The following VPS25 variants were observed in gnomAD, a reference collection of about 807,000 sequenced individuals.
VPS25 encodes the protein vacuolar protein sorting 25 homolog, also known as vacuolar protein-sorting-associated protein 25.
Under a neutral mutation model 30.3 loss-of-function variants are expected in VPS25, and 21 were observed. That is an observed-to-expected ratio of 0.69 (90% CI 0.49 to 1.00). The LOEUF (loss-of-function observed/expected upper bound fraction) is 1.00. VPS25 is among the 50% of genes least tolerant of loss of function. VPS25 has a pLI of 0.00. For synonymous variants in VPS25, 101 were observed against 88.1 expected, an observed-to-expected ratio of 1.15 and a Z score of -0.82; for missense variants, 156 against 217.2, an observed-to-expected ratio of 0.72 and a Z score of 1.77.
At chr17:42,775,212 A>AT (rs1568022990) in intron 3 of VPS25, 169 bp from the exon 4 acceptor site, 1 of 565,352 alleles carries the variant, frequency 1.8e-6, no homozygotes. Context: ...CACCTGGCTA[A>AT]TTTTTTGTAT....
intron 5 of VPS25, among the ~76,000 whole-genome samples, chr17:42,777,323 T>C (rs2054441817): frequency 6.6e-6 from 1 of 152,224 alleles, no homozygotes; most frequent in Admixed American, 6.5e-5. Flanking sequence ...CAGACCAGCC[T>C]GGCCAACATA....
chr17:42,775,388 C>T lies in VPS25; in HGVS notation c.261C>T (p.Leu87=), dbSNP rs370768335. The change falls in exon 4 of 6, where the codon CTC becomes CTT. Residue 87 remains leucine (L), a synonymous_variant. Coordinates refer to ENST00000253794, the MANE Select transcript of VPS25 (RefSeq NM_032353.4). The stretch of plus-strand genomic sequence containing the variant: ...TAAGTATCTGTTTTACAGGGAACCT[C>T]GAGTGGTTGGATAAGAGCAAGTCCA... ...VLEELRKKGN[L]EWLDKSKSSF... is the part of the protein sequence containing the mutation. 6.8e-6 allele frequency: 11 copies of T among 1,613,648 alleles called. No homozygotes were observed. The highest frequency in any genetic ancestry group is 2.7e-5 in the African/African-American group (2 of 74,896).
intron 4 of VPS25, 111 bp from the exon 5 acceptor site, chr17:42,776,134 C>T (rs983467903): frequency 8.7e-6 from 8 of 918,686 alleles, no homozygotes; most frequent in African/African-American, 1.6e-5. Flanking sequence ...GACAGTGAGT[C>T]CTGGTTTGGG....
At chr17:42,774,754 G>T in intron 3 of VPS25, 55 bp downstream of exon 3, 1 of 1,497,826 alleles carries the variant, frequency 6.7e-7, no homozygotes, top group Non-Finnish European at 9.3e-7. Context: ...TTTTCCTGAG[G>T]GCAAATTAGG....
intron 3 of VPS25, 109 bp from the exon 4 acceptor site, chr17:42,775,272 G>A: frequency 1.3e-6 from 1 of 750,490 alleles, no homozygotes; most frequent in South Asian, 1.6e-5. Context: ...TCATCATGTT[G>A]CCCAGGCTAG....
At chr17:42,774,038 C>G in intron 2 of VPS25, 160 bp downstream of exon 2, 1 of 835,110 alleles carries the variant, frequency 1.2e-6, no homozygotes. Flanking sequence ...ACATTTTCCC[C>G]TGGCAAATGC....
rs34494804 is a variant in VPS25, at chr17:42,774,672, A to G, written c.226A>G (p.Ile76Val). Residue 76 changes from isoleucine to valine, a missense_variant, in exon 3 of 6, where the codon ATT becomes GTT. By Grantham distance (29) the Ile-to-Val change is conservative (BLOSUM62 3). Transcript: ENST00000253794. ...QRKLPVESIQ[I>V]VLEELRKKGN... ...AAAGCTTCCTGTGGAGTCGATCCAG[A>G]TTGTATTAGAGGAACTGAGGAAGAA... 3,207 of 1,613,198 alleles carry G rather than the reference A, an allele frequency of 2.0e-3. 45 individuals carry two copies. The African/African-American group carries it at 0.036, about 18-fold the overall frequency.
In VPS25 at chr17:42,776,405, C is replaced by T; in HGVS notation, c.418+85C>T. 9 of 1,310,124 alleles carry T rather than the reference C, an allele frequency of 6.9e-6. No homozygotes were observed. The South Asian group carries it at 9.0e-5, about 13-fold the overall frequency. The allele number at this position is 1,310,124 out of a possible 1,614,324, so 81.2% of individuals were successfully genotyped here. A position where few individuals can be genotyped will look rare whatever the true frequency, so the allele number is the denominator to read the frequency against. ...CGATATGGAGTCTTGCTCTGTCACC[C>T]AGGCTGGAGTGCAATGTTGCAATCT... is the stretch of plus-strand genomic sequence containing the variant. On this transcript the variant is annotated intron_variant, in intron 5 of 5. Coordinates refer to ENST00000253794, the MANE Select transcript of VPS25 (RefSeq NM_032353.4).
At chr17:42,776,781 C>A (rs2054439198) in intron 5 of VPS25, among the ~76,000 whole-genome samples, 1 of 152,030 alleles carries the variant, frequency 6.6e-6, no homozygotes, top group African/African-American at 2.4e-5. Context: ...AGTTCTTAAC[C>A]CATGTCCAAG....
chr17:42,774,709 G>T lies in VPS25; in HGVS notation c.253+10G>T, dbSNP rs200053474. 280 of 1,610,788 alleles carry T rather than the reference G, an allele frequency of 1.7e-4. No individual in the cohort carries two copies. The highest frequency in any genetic ancestry group is 2.3e-4 in the Non-Finnish European group (271 of 1,177,550). ...GAACTGAGGAAGAAAGGTGGGTTCA[G>T]TTCCCCAGATTCCTTATTTTTCTTC... On this transcript the variant is annotated intron_variant, in intron 3 of 5. Coordinates refer to ENST00000253794, the MANE Select transcript of VPS25 (RefSeq NM_032353.4).
chr17:42,776,637 G>A (rs770500810), intron 5 of VPS25, among the ~76,000 whole-genome samples: 13 of 149,534 alleles, frequency 8.7e-5, no homozygotes, highest in Admixed American at 1.3e-4. Context: ...GCTGGGATTA[G>A]AGGCGTGAGC....
chr17:42,773,940 C>G (rs754165811), intron 2 of VPS25, 62 bp downstream of exon 2: 4 of 1,546,072 alleles, frequency 2.6e-6, no homozygotes, highest in Non-Finnish European at 3.5e-6. Context: ...TCACACATGC[C>G]CAGACGCCCC....
In VPS25 at chr17:42,773,886, C is replaced by T; in HGVS notation, c.199+8C>T. 6.2e-7 allele frequency: 1 copy of T among 1,611,144 alleles called. No individual in the cohort carries two copies. Among genetic ancestry groups the T allele is most frequent in the Non-Finnish European group, 8.5e-7 (1 of 1,179,540 alleles). On this transcript the variant is annotated splice_region_variant and intron_variant, in intron 2 of 5. Transcript: ENST00000253794. ...ACAACGTCAAGCTACAGCGTATCCTCCCTCAGGCTCTTCCACAGCCCATAC... is the reference window on the plus strand; with the variant it reads ...ACAACGTCAAGCTACAGCGTATCCTTCCTCAGGCTCTTCCACAGCCCATAC...
intron 1 of VPS25, 83 bp downstream of exon 1, chr17:42,773,611 G>A (rs940274156): frequency 6.8e-6 from 11 of 1,607,718 alleles, no homozygotes; most frequent in Non-Finnish European, 9.4e-6. Flanking sequence ...CTTCATATGG[G>A]GAGGGGGAGA....
chr17:42,779,338 T>C lies in VPS25; in HGVS notation c.*269T>C, dbSNP rs1387224549. 1.5e-5 allele frequency: 6 copies of C among 411,974 alleles called. No individual in the cohort carries two copies. Among genetic ancestry groups the C allele is most frequent in the Non-Finnish European group, 4.6e-6 (1 of 216,520 alleles). The allele number at this position is 411,974 out of a possible 1,614,324, so 25.5% of individuals were successfully genotyped here. ...TAGACTGTCCTTGAGCCAGGGTCTG[T>C]AAACCTGACACTTTATATGTGTTCA... On this transcript the variant is annotated 3_prime_UTR_variant, in exon 6 of 6. Transcript: ENST00000253794.
At position 42,773,718 on chromosome 17, in the gene VPS25, C is replaced by G. The variant is rs770717336; in HGVS notation, c.54-15C>G. On this transcript the variant is annotated splice_polypyrimidine_tract_variant and intron_variant, in intron 1 of 5. Transcript: ENST00000253794. ...CCGCCCTCTAATTCTGCGCCCCACT[C>G]CCTTCACCCGGCAGGTTACAACCGA... The G allele has an allele frequency of 1.2e-5, 20 of 1,612,828 alleles. No individual in the cohort carries two copies. The highest frequency in any genetic ancestry group is 1.4e-5 in the Non-Finnish European group (17 of 1,179,186).
At chr17:42,773,598 A>G (rs1365097719) in intron 1 of VPS25, 70 bp downstream of exon 1, 1 of 1,610,586 alleles carries the variant, frequency 6.2e-7, no homozygotes, top group Non-Finnish European at 8.5e-7. Context: ...CTCAGCCCTG[A>G]TGCTTCATAT....
At position 42,778,978 on chromosome 17, in the gene VPS25, C is replaced by A; in HGVS notation, c.440C>A (p.Ala147Asp). The A allele has an allele frequency of 6.2e-7, 1 of 1,614,084 alleles. No individual in the cohort carries two copies. The highest frequency in any genetic ancestry group is 1.3e-5 in the African/African-American group (1 of 75,050). Residue 147 changes from alanine (A) to aspartate (D), a missense_variant, in exon 6 of 6, where the codon GCC (alanine) becomes GAC (aspartate). Coordinates refer to ENST00000253794, the MANE Select transcript of VPS25 (RefSeq NM_032353.4). ...TCAGAGTTCCACGGGCTGGATGAAG[C>A]CACTCTACTGCGGGCTCTGCAGGCC... ...EDEEFHGLDE[A>D]TLLRALQALQ...
chr17:42,774,590 GA>G, intron 2 of VPS25, 55 bp from the exon 3 acceptor site: 1 of 1,545,812 alleles, frequency 6.5e-7, no homozygotes, highest in Non-Finnish European at 8.9e-7. Context: ...GACTGGCTCT[GA>G]AAATTTTTAT....
Sources: allele counts gnomAD v4.1 joint callset (sites outside exome capture counted in the v4.1 genomes callset), GRCh38; gene constraint gnomAD v4.1.1; transcripts MANE v1.5; gene names NCBI Gene and HGNC (gene_info 2026-07-23, HGNC 2026-07-21).